Variants in TRPC4AP observed in about 807,000 individuals in gnomAD.
TRPC4AP encodes transient receptor potential cation channel subfamily C member 4 associated protein.
Under a neutral mutation model 99.0 loss-of-function variants are expected in TRPC4AP, and 45 were observed. The observed-to-expected ratio is 0.45, with a 90% CI of 0.36 to 0.58. The LOEUF (loss-of-function observed/expected upper bound fraction) is 0.58. TRPC4AP is among the 20% of genes least tolerant of loss of function. The pLI is 0.00. For missense variants in TRPC4AP, 879 were observed against 985.3 expected, an observed-to-expected ratio of 0.89 and a Z score of 1.44; for synonymous variants, 408 against 385.8, an observed-to-expected ratio of 1.06 and a Z score of -0.67.
chr20:35,010,182 C>A lies in TRPC4AP; in HGVS notation c.1511+5G>T, dbSNP rs2082601984. ...CTGAGGGAAAAGCTGCACCCCTGCA[C>A]TCACCTGTCGGTGTTGAGGACAGCT... On this transcript the variant is annotated splice_donor_5th_base_variant and intron_variant, in intron 12 of 18. Transcript: ENST00000252015. The A allele has an allele frequency of 6.2e-7, 1 of 1,613,688 alleles. No homozygotes were observed.
intron 8 of TRPC4AP, among the ~76,000 whole-genome samples, chr20:35,026,349 G>A (rs746953582): frequency 6.6e-6 from 1 of 151,880 alleles, no homozygotes; most frequent in Non-Finnish European, 1.5e-5. Context: ...TGAGTAGCTG[G>A]GACTATAGGT....
chr20:35,058,984 C>T (rs1600614424), intron 3 of TRPC4AP, among the ~76,000 whole-genome samples: 1 of 151,932 alleles, frequency 6.6e-6, no homozygotes, highest in South Asian at 2.1e-4. Flanking sequence ...CCACCGCACC[C>T]GGCCAAAGAA....
chr20:35,090,109 A>G (rs999418986), intron 1 of TRPC4AP, among the ~76,000 whole-genome samples: 13 of 152,102 alleles, frequency 8.5e-5, no homozygotes, highest in Middle Eastern at 3.4e-3. Context: ...CTCAAAAAAA[A>G]AAAAGGGTAA....
intron 7 of TRPC4AP, 143 bp downstream of exon 7, chr20:35,044,362 T>TG: frequency 1.2e-6 from 1 of 845,072 alleles, no homozygotes; most frequent in East Asian, 2.8e-5. Flanking sequence ...ACTGCACTCC[T>TG]GCCTGGGTGA....
chr20:35,086,909 T>C (rs1438138468), intron 1 of TRPC4AP, among the ~76,000 whole-genome samples: 1 of 151,878 alleles, frequency 6.6e-6, no homozygotes, highest in Non-Finnish European at 1.5e-5. Flanking sequence ...GGCACATGCC[T>C]ATAGTCCCAG....
Position 35,035,266 on chromosome 20 carries a change from T to G in TRPC4AP, c.908A>C (p.Lys303Thr), listed in dbSNP as rs776437789. 1.2e-6 allele frequency: 2 copies of G among 1,614,114 alleles called. No individual in the cohort carries two copies. The highest frequency in any genetic ancestry group is 2.7e-5 in the African/African-American group (2 of 75,020). Reference protein sequence around the residue: ...SIPGFVERLCKLATRKVSEST... With the variant: ...SIPGFVERLCTLATRKVSEST... ...CTCTGACACCTTTCGAGTCGCCAGT[T>G]TGCAAAGCCGCTCAACAAAGCCAGG... The change falls in exon 8 of 19, where the codon AAA becomes ACA. Residue 303 changes from lysine to threonine, a missense_variant. Lys to Thr is a moderately conservative substitution (Grantham distance 78, BLOSUM62 -1). Transcript: ENST00000252015.
rs941005752 is a variant in TRPC4AP at position 35,025,265 on chromosome 20, T to C, written c.1052-3909A>G. ...GGCAGGATCACAGCTCACTGCAGCA[T>C]TGAACTCTGGACCCAAACAATCCTC... is the stretch of plus-strand genomic sequence containing the variant. On this transcript the variant is annotated intron_variant, in intron 8 of 18. Transcript: ENST00000252015. 5.3e-5 allele frequency among the ~76,000 whole-genome samples: 8 copies of C among 152,310 alleles called. No individual in the cohort carries two copies. The East Asian group carries it at 1.2e-3, about 22-fold the overall frequency.
At chr20:35,058,851 G>A (rs1451254166) in intron 3 of TRPC4AP, among the ~76,000 whole-genome samples, 1 of 151,840 alleles carries the variant, frequency 6.6e-6, no homozygotes, top group East Asian at 1.9e-4. Flanking sequence ...ACCACTCCTG[G>A]CTACTTTGTG....
chr20:35,021,406 C>A, intron 8 of TRPC4AP, 50 bp from the exon 9 acceptor site: 1 of 1,593,362 alleles, frequency 6.3e-7, no homozygotes, highest in Non-Finnish European at 8.6e-7. Flanking sequence ...TGAGGAAACA[C>A]GTTTCTGCCC....
chr20:35,069,303 C>T lies in TRPC4AP; in HGVS notation c.407G>A (p.Gly136Asp), dbSNP rs2084242151. 6.3e-7 allele frequency: 1 copy of T among 1,582,576 alleles called. No homozygotes were observed. Among genetic ancestry groups the T allele is most frequent in the African/African-American group, 1.3e-5 (1 of 74,118 alleles). ...TAATAAATAGCTACTTACATCAACA[C>T]CTCCAAACAAGTCAAAAATGTAAGT... Reference protein sequence around the residue: ...PNTYIFDLFGGVDLLVEILMR... With the variant: ...PNTYIFDLFGDVDLLVEILMR... Residue 136 changes from glycine to aspartate, a missense_variant, in exon 3 of 19, where the codon GGT becomes GAT. Gly to Asp is a moderately conservative substitution (Grantham distance 94). This residue lies in a region of TRPC4AP where 603 missense variants were observed against 631.8 expected (regional missense o/e 0.95). Coordinates refer to ENST00000252015, the MANE Select transcript of TRPC4AP (RefSeq NM_015638.3).
intron 1 of TRPC4AP, among the ~76,000 whole-genome samples, chr20:35,087,863 A>G (rs1222213480): frequency 6.6e-6 from 1 of 152,222 alleles, no homozygotes; most frequent in Non-Finnish European, 1.5e-5. Context: ...ATTACAAATT[A>G]TGTGGCCAGT....
Position 35,007,621 on chromosome 20 carries a change from C to T in TRPC4AP, c.1615G>A (p.Val539Met), listed in dbSNP as rs778506654. ...SSFRFWQARA[V>M]ESFLRGTTSY... is the part of the protein sequence containing the mutation. Reference sequence around the variant, plus strand: ...GTGGTCCCTCGGAGGAAACTCTCCACAGCCCGAGCTTGCCAAAACCTGCGA... The same window carrying T: ...GTGGTCCCTCGGAGGAAACTCTCCATAGCCCGAGCTTGCCAAAACCTGCGA... Residue 539 changes from valine (V) to methionine (M), a missense_variant, in exon 14 of 19, where the codon GTG becomes ATG. By Grantham distance (21) the Val-to-Met change is conservative. Coordinates refer to ENST00000252015, the MANE Select transcript of TRPC4AP (RefSeq NM_015638.3). 1 of 1,614,136 alleles carries T rather than the reference C, an allele frequency of 6.2e-7. No individual in the cohort carries two copies. Among genetic ancestry groups the T allele is most frequent in the Non-Finnish European group, 8.5e-7 (1 of 1,180,048 alleles).
chr20:35,090,829 A>G (rs1182707129), intron 1 of TRPC4AP, among the ~76,000 whole-genome samples: 1 of 152,226 alleles, frequency 6.6e-6, no homozygotes, highest in Middle Eastern at 3.2e-3. Flanking sequence ...TTAGGAACAT[A>G]TCATCTAACC....
In TRPC4AP at chr20:35,006,843, C is replaced by T. The variant is rs559854444; in HGVS notation, c.1687-268G>A. On this transcript the variant is annotated intron_variant, in intron 14 of 18. Coordinates refer to ENST00000252015, the MANE Select transcript of TRPC4AP (RefSeq NM_015638.3). ...TGAAGCCTGTGACCTGCTCTGTGGT[C>T]ACCAAGATGGCCGGGGTGCTCAGCT... Among the ~76,000 whole-genome samples the T allele has an allele frequency of 2.4e-4, 36 of 152,346 alleles. 1 individual carries two copies. Among genetic ancestry groups the T allele is most frequent in the Non-Finnish European group, 1.0e-4 (7 of 68,042 alleles).
intron 6 of TRPC4AP, 91 bp from the exon 7 acceptor site, chr20:35,044,803 T>G: frequency 8.1e-7 from 1 of 1,235,764 alleles, no homozygotes; most frequent in South Asian, 1.3e-5. Context: ...CATACGGGGC[T>G]TAGTGGCTAG....
chr20:35,044,086 T>C (rs1421608675), intron 7 of TRPC4AP, among the ~76,000 whole-genome samples: 1 of 152,084 alleles, frequency 6.6e-6, no homozygotes, highest in Non-Finnish European at 1.5e-5. Context: ...CATGGATCCA[T>C]CTCTAGAGAT....
chr20:35,061,179 C>G (rs2083997526), intron 3 of TRPC4AP, among the ~76,000 whole-genome samples: 1 of 152,056 alleles, frequency 6.6e-6, no homozygotes, highest in Admixed American at 6.6e-5. Context: ...CATAAATCAA[C>G]TGTATTTCTA....
intron 8 of TRPC4AP, among the ~76,000 whole-genome samples, chr20:35,032,560 C>T (rs2083226592): frequency 6.7e-6 from 1 of 149,910 alleles, no homozygotes; most frequent in Non-Finnish European, 1.5e-5. Context: ...CAACCTCTGC[C>T]TCCCAGGTTC....
chr20:35,060,746 G>T (rs753317543), intron 3 of TRPC4AP, among the ~76,000 whole-genome samples: 25 of 151,712 alleles, frequency 1.6e-4, no homozygotes, highest in Non-Finnish European at 2.8e-4. Context: ...AAGCCACACG[G>T]TCATCTCAAC....
Sources: gnomAD v4.1 joint callset for allele counts (sites outside exome capture counted in the v4.1 genomes callset) on GRCh38, gnomAD v4.1.1 for gene constraint, gnomAD v4.1.1 regional missense constraint, MANE v1.5 for transcripts, NCBI Gene and HGNC (gene_info 2026-07-23, HGNC 2026-07-21) for gene names.